Variants in MACF1 observed in about 807,000 individuals in gnomAD.
MACF1 encodes microtubule actin crosslinking factor 1.
MACF1 carries 193 observed loss-of-function variants against 854.8 expected under a neutral mutation model. The observed-to-expected ratio is 0.23, with a 90% CI of 0.20 to 0.25. The LOEUF (loss-of-function observed/expected upper bound fraction) is 0.25, where lower values mean the gene tolerates loss of function less well. Among genes scored for constraint, MACF1 ranks in the 10% least tolerant of loss-of-function variants. The pLI, the probability that MACF1 is intolerant of heterozygous loss-of-function variation, is 1.00. For synonymous variants in MACF1, 3,185 were observed against 3,226.7 expected, an observed-to-expected ratio of 0.99 and a Z score of 0.44; for missense variants, 7,722 against 8,929.1, an observed-to-expected ratio of 0.86 and a Z score of 5.45.
rs529110663 is a variant in MACF1, at chr1:39,146,719, G to T, written c.220+62281G>T. Among the ~76,000 whole-genome samples the T allele has an allele frequency of 4.3e-4, 65 of 152,122 alleles. 1 individual carries two copies. The South Asian group carries it at 0.013, about 31-fold the overall frequency. ...GTTGGGAAGGGGGGATGGGGTCACAGGGAAGTGGGGGATGGTTAATGGATG... is the reference window on the plus strand; with the variant it reads ...GTTGGGAAGGGGGGATGGGGTCACATGGAAGTGGGGGATGGTTAATGGATG... On this transcript the variant is annotated intron_variant, in intron 2 of 93. Transcript: ENST00000361689.
At chr1:39,378,876 G>A (rs767499333) in intron 53 of MACF1, among the ~76,000 whole-genome samples, 5 of 152,174 alleles carry the variant, frequency 3.3e-5, no homozygotes, top group Non-Finnish European at 7.3e-5. Flanking sequence ...GTAGTTTGGA[G>A]AAGAAGGAAT....
chr1:39,451,669 T>G (rs1385631695), intron 85 of MACF1, among the ~76,000 whole-genome samples: 1 of 152,150 alleles, frequency 6.6e-6, no homozygotes, highest in Non-Finnish European at 1.5e-5. Context: ...GCACAAGCAT[T>G]TAACTTTACC....
intron 2 of MACF1, among the ~76,000 whole-genome samples, chr1:39,198,034 C>CA (rs1213219055): frequency 6.6e-6 from 1 of 151,632 alleles, no homozygotes; most frequent in Non-Finnish European, 1.5e-5. Flanking sequence ...CCCATCTCTG[C>CA]AAAAAACACA....
chr1:39,423,189 A>G (rs1435784833), intron 60 of MACF1, among the ~76,000 whole-genome samples: 2 of 152,138 alleles, frequency 1.3e-5, no homozygotes, highest in African/African-American at 4.8e-5. Context: ...CAATATTCTA[A>G]ATAGTGTTGT....
intron 6 of MACF1, chr1:39,269,732 T>C (rs1320238123): frequency 1.0e-5 from 13 of 1,282,018 alleles, no homozygotes; most frequent in Non-Finnish European, 1.3e-5. Flanking sequence ...TAGGTGGGCA[T>C]GTTCAAGAGA....
At chr1:39,109,911 C>T (rs1235786893) in intron 2 of MACF1, among the ~76,000 whole-genome samples, 2 of 152,166 alleles carry the variant, frequency 1.3e-5, no homozygotes, top group African/African-American at 4.8e-5. Context: ...TATAGTCACA[C>T]ACTTTAAGTG....
At chr1:39,102,726 T>C (rs1399864720) in intron 2 of MACF1, 1 of 701,614 alleles carries the variant, frequency 1.4e-6, no homozygotes. Flanking sequence ...TACATCCTTC[T>C]GCTTCCCCCA....
intron 23 of MACF1, chr1:39,304,565 C>A: frequency 1.4e-6 from 1 of 722,542 alleles, no homozygotes; most frequent in South Asian, 1.7e-5. Flanking sequence ...TCTTTTCTTT[C>A]TTTTTTTTTT....
intron 90 of MACF1, 113 bp downstream of exon 90, chr1:39,458,603 T>A: frequency 7.4e-7 from 1 of 1,360,346 alleles, no homozygotes; most frequent in Non-Finnish European, 9.8e-7. Flanking sequence ...CCGTGTTGGT[T>A]TTGAACCAAA....
intron 58 of MACF1, chr1:39,412,178 A>C (rs747781874): frequency 6.2e-7 from 1 of 1,613,990 alleles, no homozygotes; most frequent in South Asian, 1.1e-5. Context: ...GACTGCAGTC[A>C]AACTGAGGGG....
At chr1:39,357,130 G>A (rs1205981661) in intron 44 of MACF1, among the ~76,000 whole-genome samples, 1 of 152,196 alleles carries the variant, frequency 6.6e-6, no homozygotes, top group East Asian at 1.9e-4. Flanking sequence ...TTAAGAGTCA[G>A]CATCTAAATT....
chr1:39,144,587 A>G (rs1041424648), intron 2 of MACF1, among the ~76,000 whole-genome samples: 1 of 152,018 alleles, frequency 6.6e-6, no homozygotes, highest in African/African-American at 2.4e-5. Context: ...GTGAGGTGTC[A>G]GCCCCATTTG....
At chr1:39,337,478 G>A (rs1329233696) in intron 38 of MACF1, 147 bp downstream of exon 38, 1 of 712,490 alleles carries the variant, frequency 1.4e-6, no homozygotes, top group African/African-American at 1.8e-5. Context: ...TTATGGGATG[G>A]GCTACATTTG....
chr1:39,180,798 G>T (rs1416440384), intron 2 of MACF1, among the ~76,000 whole-genome samples: 1 of 152,162 alleles, frequency 6.6e-6, no homozygotes, highest in Non-Finnish European at 1.5e-5. Context: ...CTCATCCCTG[G>T]CTATGGTTGG....
intron 2 of MACF1, among the ~76,000 whole-genome samples, chr1:39,241,136 G>A (rs1339470409): frequency 2.0e-5 from 3 of 150,202 alleles, no homozygotes; most frequent in African/African-American, 7.4e-5. Context: ...TTTACAATTT[G>A]GAGATCTGCC....
At chr1:39,186,985 G>A (rs974274770) in intron 2 of MACF1, among the ~76,000 whole-genome samples, 48 of 128,796 alleles carry the variant, frequency 3.7e-4, no homozygotes, top group Non-Finnish European at 7.8e-4. Context: ...AGTGATTCTT[G>A]ATTTTTTTTT....
At chr1:39,229,996 G>A (rs924602573) in intron 1 of MACF1, among the ~76,000 whole-genome samples, 13 of 152,172 alleles carry the variant, frequency 8.5e-5, no homozygotes, top group Admixed American at 7.2e-4. Flanking sequence ...ACCGGCCTCA[G>A]CCTCCCAAAC....
chr1:39,365,448 A>C (rs1042806830), intron 49 of MACF1, among the ~76,000 whole-genome samples: 1 of 152,154 alleles, frequency 6.6e-6, no homozygotes, highest in Non-Finnish European at 1.5e-5. Context: ...TCATTGGAGC[A>C]CTTCAGATTT....
intron 1 of MACF1, among the ~76,000 whole-genome samples, chr1:39,222,774 T>C (rs966167455): frequency 1.3e-5 from 2 of 152,250 alleles, no homozygotes; most frequent in Non-Finnish European, 2.9e-5. Context: ...AGCTGTGGTA[T>C]ATCCTTTTTA....
Sources: allele counts gnomAD v4.1 joint callset (sites outside exome capture counted in the v4.1 genomes callset), GRCh38; gene constraint gnomAD v4.1.1; transcripts MANE v1.5; gene names NCBI Gene and HGNC (gene_info 2026-07-23, HGNC 2026-07-21).